The following CSMD1 variants were observed in gnomAD, a reference collection of about 807,000 sequenced individuals.
CSMD1 encodes CUB and sushi domain-containing protein 1.
A neutral mutation model predicts 417.5 loss-of-function variants in CSMD1; 213 were observed. The observed-to-expected ratio is 0.51, with a 90% confidence interval of 0.46 to 0.57. CSMD1 has a LOEUF of 0.57. CSMD1 is among the 20% of genes least tolerant of loss of function. CSMD1 has a pLI of 0.00. For synonymous variants in CSMD1, 2,862 were observed against 1,736.8 expected (o/e 1.65, Z -16.11); for missense variants, 6,923 against 4,529.7 (o/e 1.53, Z -15.17).
chr8:4,284,477 G>C (rs1050081278), intron 3 of CSMD1, among the ~76,000 whole-genome samples: 1 of 149,326 alleles, frequency 6.7e-6, no homozygotes, highest in Non-Finnish European at 1.5e-5. Context: ...GTGGCTTTCT[G>C]TTTCCACATG....
intron 3 of CSMD1, among the ~76,000 whole-genome samples, chr8:4,059,867 A>G (rs1475473238): frequency 2.8e-4 from 42 of 150,288 alleles, no homozygotes; most frequent in Non-Finnish European, 4.5e-5. Flanking sequence ...CAGAGGTACA[A>G]GGAGGAACTG....
At chr8:4,624,380 C>A (rs769420692) in intron 2 of CSMD1, among the ~76,000 whole-genome samples, 1 of 152,164 alleles carries the variant, frequency 6.6e-6, no homozygotes, top group Non-Finnish European at 1.5e-5. Flanking sequence ...TAGAAAGACT[C>A]AACCAGTTTT....
chr8:3,962,261 G>A (rs1016041071), intron 5 of CSMD1, among the ~76,000 whole-genome samples: 1 of 152,140 alleles, frequency 6.6e-6, no homozygotes, highest in Non-Finnish European at 1.5e-5. Context: ...TGGTCATGAT[G>A]AGGTTCTTCT....
intron 7 of CSMD1, among the ~76,000 whole-genome samples, chr8:3,635,244 G>A (rs768681641): frequency 6.6e-6 from 1 of 152,002 alleles, no homozygotes; most frequent in African/African-American, 2.4e-5. Context: ...CAGAATCCTA[G>A]GTGGGTGGAT....
intron 30 of CSMD1, among the ~76,000 whole-genome samples, chr8:3,210,197 A>G (rs1306039971): frequency 6.6e-6 from 1 of 152,128 alleles, no homozygotes; most frequent in Non-Finnish European, 1.5e-5. Flanking sequence ...GCTGCTCTCC[A>G]TGAGGGATCC....
chr8:3,436,307 G>C (rs956607882), intron 12 of CSMD1, among the ~76,000 whole-genome samples: 5 of 152,114 alleles, frequency 3.3e-5, no homozygotes, highest in Non-Finnish European at 7.4e-5. Flanking sequence ...GTACAAAAAG[G>C]TGAGAAAGTC....
chr8:3,649,090 ACT>A (rs1797719374), intron 7 of CSMD1, among the ~76,000 whole-genome samples: 1 of 151,996 alleles, frequency 6.6e-6, no homozygotes, highest in African/African-American at 2.4e-5. Context: ...TTTCTCTAGC[ACT>A]CTGTCTTACT....
intron 3 of CSMD1, among the ~76,000 whole-genome samples, chr8:4,229,254 T>C (rs1181055984): frequency 6.6e-6 from 1 of 152,198 alleles, no homozygotes; most frequent in African/African-American, 2.4e-5. Context: ...CAAAAGACGC[T>C]GAGATGCTGA....
intron 5 of CSMD1, among the ~76,000 whole-genome samples, chr8:3,926,304 C>T (rs1384212136): frequency 6.6e-6 from 1 of 152,158 alleles, no homozygotes; most frequent in African/African-American, 2.4e-5. Context: ...ATGTATTTCT[C>T]CTTATAACTT....
intron 1 of CSMD1, among the ~76,000 whole-genome samples, chr8:4,751,326 A>T: frequency 6.6e-6 from 1 of 152,036 alleles, no homozygotes; most frequent in Non-Finnish European, 1.5e-5. Flanking sequence ...TGGAGGTTGC[A>T]GTGAGAGTGA....
At chr8:4,789,074 G>A (rs569375134) in intron 1 of CSMD1, among the ~76,000 whole-genome samples, 22 of 152,314 alleles carry the variant, frequency 1.4e-4, no homozygotes, top group African/African-American at 4.6e-4. Flanking sequence ...TGGGACCTCA[G>A]AATCACCATC....
At chr8:3,743,051 G>A (rs1423730254) in intron 6 of CSMD1, among the ~76,000 whole-genome samples, 1 of 152,166 alleles carries the variant, frequency 6.6e-6, no homozygotes, top group East Asian at 1.9e-4. Flanking sequence ...GACCGCCATG[G>A]TCCCTGTATG....
At chr8:4,379,956 C>A (rs918139386) in intron 3 of CSMD1, among the ~76,000 whole-genome samples, 1 of 152,160 alleles carries the variant, frequency 6.6e-6, no homozygotes, top group Admixed American at 6.6e-5. Flanking sequence ...ATGGAAGAGT[C>A]GCCACTTTGT....
intron 12 of CSMD1, among the ~76,000 whole-genome samples, chr8:3,414,340 T>C (rs538531801): frequency 1.3e-5 from 2 of 151,700 alleles, no homozygotes; most frequent in East Asian, 3.9e-4. Context: ...CCGAAGAGCT[T>C]ACATAGTCCA....
chr8:3,100,787 G>C (rs946307268), intron 46 of CSMD1, among the ~76,000 whole-genome samples: 33 of 152,152 alleles, frequency 2.2e-4, no homozygotes, highest in African/African-American at 7.7e-4. Flanking sequence ...AGTACTCTAG[G>C]ATTAATAGCA....
intron 39 of CSMD1, among the ~76,000 whole-genome samples, chr8:3,154,769 C>T (rs961583119): frequency 1.3e-5 from 2 of 152,092 alleles, no homozygotes; most frequent in African/African-American, 4.8e-5. Flanking sequence ...ATATATTAAC[C>T]TCTAGAGAAG....
At chr8:4,938,379 T>C (rs61368610) in intron 1 of CSMD1, among the ~76,000 whole-genome samples, 1,935 of 152,314 alleles carry the variant, frequency 0.013, 34 homozygotes, top group African/African-American at 0.045. Context: ...AGCTGTCCTA[T>C]AGTTATTACA....
chr8:4,953,717 G>A (rs929359578), intron 1 of CSMD1, among the ~76,000 whole-genome samples: 1 of 152,126 alleles, frequency 6.6e-6, no homozygotes, highest in Non-Finnish European at 1.5e-5. Context: ...TGCTAAATTT[G>A]CCTGTTCCAA....
chr8:4,383,805 A>C (rs911248931), intron 3 of CSMD1, among the ~76,000 whole-genome samples: 1 of 152,244 alleles, frequency 6.6e-6, no homozygotes, highest in African/African-American at 2.4e-5. Context: ...TACATATATA[A>C]TACCAAATTA....
Sources: gnomAD v4.1 joint callset for allele counts (sites outside exome capture counted in the v4.1 genomes callset) on GRCh38, gnomAD v4.1.1 for gene constraint, MANE v1.5 for transcripts, NCBI Gene and HGNC (gene_info 2026-07-23, HGNC 2026-07-21) for gene names.